The following SPRED2 variants were observed in gnomAD, a reference collection of about 807,000 sequenced individuals.
SPRED2 encodes the protein sprouty-related, EVH1 domain-containing protein 2.
SPRED2 carries 47 observed loss-of-function variants against 43.0 expected under a neutral mutation model. The ratio of observed to expected loss-of-function variants is 1.09; its 90% CI spans 0.87 to 1.40. The LOEUF (loss-of-function observed/expected upper bound fraction) is 1.40. Among genes scored for constraint, SPRED2 ranks in the 40% most tolerant of loss-of-function variants. The probability of loss-of-function intolerance (pLI) is 0.00; values close to 1 mark genes in which losing one functional copy is unlikely to be tolerated. For missense variants in SPRED2, 561 were observed against 586.4 expected (o/e 0.96, Z 0.45); for synonymous variants, 225 against 225.7 (o/e 1.00, Z 0.03).
At position 65,313,855 on chromosome 2, in the gene SPRED2, C is replaced by T; in HGVS notation, c.903G>A (p.Lys301=). Residue 301 remains lysine (K), a synonymous_variant, in exon 6 of 6, where the codon AAG becomes AAA. Coordinates refer to ENST00000356388, the MANE Select transcript of SPRED2 (RefSeq NM_181784.3). ...CGCACCGCGAGCGCTCTCCGTCCTC[C>T]TTCCGCCGCCGCGACTTGCCCCGGG... ...QPSRGKSRRR[K]EDGERSRCVY... is the part of the protein sequence containing the mutation. The T allele has an allele frequency of 1.1e-5, 17 of 1,611,210 alleles. No homozygotes were observed. Among genetic ancestry groups the T allele is most frequent in the Non-Finnish European group, 1.4e-5 (17 of 1,179,848 alleles).
chr2:65,424,743 G>A (rs1676517843), intron 1 of SPRED2, among the ~76,000 whole-genome samples: 1 of 144,930 alleles, frequency 6.9e-6, no homozygotes, highest in African/African-American at 2.7e-5. Flanking sequence ...TTAAGGCTAG[G>A]AGCTGAAGGC....
chr2:65,387,708 T>G (rs779792779), intron 1 of SPRED2, among the ~76,000 whole-genome samples: 23 of 152,168 alleles, frequency 1.5e-4, no homozygotes, highest in Non-Finnish European at 2.9e-4. Context: ...AAACTAAAAA[T>G]GCCGATTTAC....
At chr2:65,345,385 C>T (rs1193385920) in intron 1 of SPRED2, among the ~76,000 whole-genome samples, 1 of 151,338 alleles carries the variant, frequency 6.6e-6, no homozygotes, top group African/African-American at 2.4e-5. Context: ...TTCAGCCTCC[C>T]AAGTAGCTGG....
At chr2:65,431,236 C>T (rs1327747477) in intron 1 of SPRED2, among the ~76,000 whole-genome samples, 4 of 151,678 alleles carry the variant, frequency 2.6e-5, no homozygotes, top group African/African-American at 9.7e-5. Context: ...CACACGCGCG[C>T]CCCCAGCGCG....
At chr2:65,349,763 T>C (rs530268177) in intron 1 of SPRED2, among the ~76,000 whole-genome samples, 2 of 152,372 alleles carry the variant, frequency 1.3e-5, no homozygotes, top group South Asian at 2.1e-4. Flanking sequence ...CTGTTAACTC[T>C]GGCCTTTGCT....
At chr2:65,411,128 GA>G (rs370598634) in intron 1 of SPRED2, among the ~76,000 whole-genome samples, 7 of 152,208 alleles carry the variant, frequency 4.6e-5, no homozygotes, top group African/African-American at 1.7e-4. Context: ...ACCTTTAAAA[GA>G]AAAAAAGTTT....
rs949717180 is a variant in SPRED2, at chr2:65,313,895, A to C, written c.863T>G (p.Ile288Ser). 1.9e-6 allele frequency: 3 copies of C among 1,610,236 alleles called. No homozygotes were observed. The African/African-American group carries it at 4.0e-5, about 21-fold the overall frequency. ...EDPKGRGGSV[I>S]KTQPSRGKSR... ...CTTGCCCCGGGAGGGCTGCGTCTTG[A>C]TCACGCTGCCCCCGCGGCCTTTGGG... Residue 288 changes from isoleucine (I) to serine (S), a missense_variant, in exon 6 of 6, where the codon ATC becomes AGC. Coordinates refer to ENST00000356388, the MANE Select transcript of SPRED2 (RefSeq NM_181784.3).
At chr2:65,404,488 T>A (rs1558686724) in intron 1 of SPRED2, among the ~76,000 whole-genome samples, 3 of 152,194 alleles carry the variant, frequency 2.0e-5, no homozygotes, top group Non-Finnish European at 2.9e-5. Flanking sequence ...CAGTAATGAG[T>A]TTCTCAGGGA....
At chr2:65,331,949 A>G (rs1673824525) in intron 4 of SPRED2, 38 bp downstream of exon 4, 1 of 1,518,768 alleles carries the variant, frequency 6.6e-7, no homozygotes, top group Admixed American at 1.8e-5. Flanking sequence ...TGATTATTCA[A>G]CAACTAATCT....
chr2:65,377,899 C>T (rs193245105), intron 1 of SPRED2: 128 of 338,134 alleles, frequency 3.8e-4, no homozygotes, highest in Non-Finnish European at 6.7e-4. Flanking sequence ...ACTCTCTTTC[C>T]ACATGCATCC....
intron 1 of SPRED2, among the ~76,000 whole-genome samples, chr2:65,371,429 C>A (rs1572876915): frequency 6.6e-6 from 1 of 152,090 alleles, no homozygotes; most frequent in African/African-American, 2.4e-5. Flanking sequence ...TCACTTGCTG[C>A]CTTACTGGAA....
downstream of SPRED2, among the ~76,000 whole-genome samples, chr2:65,307,344 C>T (rs966086319): frequency 4.4e-4 from 67 of 152,058 alleles, no homozygotes; most frequent in African/African-American, 1.4e-3. Context: ...TACAGGCATG[C>T]GCCACCACGC....
intron 1 of SPRED2, among the ~76,000 whole-genome samples, chr2:65,412,457 T>G (rs918631665): frequency 1.3e-5 from 2 of 152,214 alleles, no homozygotes; most frequent in African/African-American, 2.4e-5. Flanking sequence ...CTAATTGGGC[T>G]GCACTCTGGC....
rs113837756 is a variant in SPRED2 at position 65,388,040 on chromosome 2, C to T, written c.27-43144G>A. 4.0e-3 allele frequency among the ~76,000 whole-genome samples: 614 copies of T among 152,256 alleles called. 1 individual carries two copies. The highest frequency in any genetic ancestry group is 0.013 in the African/African-American group (556 of 41,554). Reference sequence around the variant, plus strand: ...ACTCCTGACCTCAAGTGATCTGCCTCGGCCTCCCAAAGTGCTGGGATTACA... The same window carrying T: ...ACTCCTGACCTCAAGTGATCTGCCTTGGCCTCCCAAAGTGCTGGGATTACA... On this transcript the variant is annotated intron_variant, in intron 1 of 5. Coordinates refer to ENST00000356388, the MANE Select transcript of SPRED2 (RefSeq NM_181784.3).
At chr2:65,307,342 T>C (rs1243279764), downstream of SPRED2, among the ~76,000 whole-genome samples, 1 of 152,040 alleles carries the variant, frequency 6.6e-6, no homozygotes, top group Non-Finnish European at 1.5e-5. Flanking sequence ...ATTACAGGCA[T>C]GCGCCACCAC....
At position 65,425,972 on chromosome 2, in the gene SPRED2, G is replaced by A. The variant is rs920380374; in HGVS notation, c.26+5990C>T. Reference sequence around the variant, plus strand: ...TGTTAGACTGTATTTGTGTTCAGCCGGCAATACAAGAATGATGCCAATATT... The same window carrying A: ...TGTTAGACTGTATTTGTGTTCAGCCAGCAATACAAGAATGATGCCAATATT... On this transcript the variant is annotated intron_variant, in intron 1 of 5. Coordinates refer to ENST00000356388, the MANE Select transcript of SPRED2 (RefSeq NM_181784.3). Among the ~76,000 whole-genome samples the A allele has an allele frequency of 3.9e-5, 6 of 152,206 alleles. No individual in the cohort carries two copies. In the East Asian group the frequency reaches 5.8e-4, roughly 15 times the overall value.
chr2:65,378,072 C>T (rs1675287315), intron 1 of SPRED2: 1 of 189,688 alleles, frequency 5.3e-6, no homozygotes, highest in Non-Finnish European at 1.1e-5. Flanking sequence ...ATCCAGTAAA[C>T]ATCAGCTGAG....
chr2:65,366,736 T>G, intron 1 of SPRED2: 1 of 1,490,240 alleles, frequency 6.7e-7, no homozygotes. Flanking sequence ...TTCCCCCATA[T>G]ATGATTCAGT....
intron 1 of SPRED2, among the ~76,000 whole-genome samples, chr2:65,368,789 A>T (rs558958911): frequency 6.6e-6 from 1 of 152,344 alleles, no homozygotes; most frequent in South Asian, 2.1e-4. Context: ...TAAAAAAATT[A>T]AAAAAGAGAT....
Sources: allele counts gnomAD v4.1 joint callset (sites outside exome capture counted in the v4.1 genomes callset), GRCh38; gene constraint gnomAD v4.1.1; transcripts MANE v1.5; gene names NCBI Gene and HGNC (gene_info 2026-07-23, HGNC 2026-07-21).